The following DLGAP2 variants were observed in gnomAD, a reference collection of about 807,000 sequenced individuals.
DLGAP2 encodes disks large-associated protein 2.
In DLGAP2, 26 loss-of-function variants were observed where a neutral mutation model predicts 100.3. The ratio of observed to expected loss-of-function variants is 0.26; its 90% CI spans 0.19 to 0.36. DLGAP2 has a LOEUF of 0.36. DLGAP2 is among the 10% of genes least tolerant of loss of function. DLGAP2 has a pLI of 1.00. For synonymous variants in DLGAP2, 886 were observed against 630.1 expected, an observed-to-expected ratio of 1.41 and a Z score of -6.08; for missense variants, 1,858 against 1,453.2, an observed-to-expected ratio of 1.28 and a Z score of -4.53.
At chr8:880,828 A>G (rs1240523342) in intron 1 of DLGAP2, among the ~76,000 whole-genome samples, 2 of 152,208 alleles carry the variant, frequency 1.3e-5, no homozygotes, top group Non-Finnish European at 2.9e-5. Flanking sequence ...CTCAACGCAG[A>G]TGTAATTTTT....
chr8:1,626,998 T>C (rs1797522605), intron 7 of DLGAP2, 111 bp downstream of exon 7: 2 of 1,350,394 alleles, frequency 1.5e-6, no homozygotes, highest in Admixed American at 2.2e-5. Context: ...TCAGCAGCAC[T>C]TGGGCAAGGC....
chr8:1,697,067 T>C, intron 13 of DLGAP2, 80 bp from the exon 14 acceptor site: 2 of 1,368,512 alleles, frequency 1.5e-6, no homozygotes, highest in Non-Finnish European at 1.9e-6. Context: ...TTGAAAGGCA[T>C]GCGTGGGGAG....
At chr8:763,435 GC>G (rs1411927290) in intron 1 of DLGAP2, among the ~76,000 whole-genome samples, 1 of 152,210 alleles carries the variant, frequency 6.6e-6, no homozygotes, top group Non-Finnish European at 1.5e-5. Context: ...GTGCTCTTCT[GC>G]TGTTAGAAGT....
chr8:1,284,713 C>T (rs1276732150), intron 3 of DLGAP2, among the ~76,000 whole-genome samples: 1 of 152,202 alleles, frequency 6.6e-6, no homozygotes, highest in Non-Finnish European at 1.5e-5. Flanking sequence ...CCTCAGCTGC[C>T]TGACCCTCCC....
chr8:1,373,032 A>T (rs1201505472), intron 3 of DLGAP2, among the ~76,000 whole-genome samples: 1 of 152,022 alleles, frequency 6.6e-6, no homozygotes, highest in Non-Finnish European at 1.5e-5. Context: ...TCCTTGAAGA[A>T]CACCCACGTT....
chr8:1,435,276 G>C (rs751309747), intron 3 of DLGAP2, among the ~76,000 whole-genome samples: 1 of 152,198 alleles, frequency 6.6e-6, no homozygotes, highest in Non-Finnish European at 1.5e-5. Context: ...GAATAAATGT[G>C]AGTTAAGTGC....
At chr8:1,420,147 C>G (rs1201049890) in intron 3 of DLGAP2, among the ~76,000 whole-genome samples, 3 of 152,156 alleles carry the variant, frequency 2.0e-5, no homozygotes, top group East Asian at 1.9e-4. Flanking sequence ...TTCCAATCCT[C>G]TAATCACAAG....
At chr8:1,523,931 C>T (rs1379709040) in intron 4 of DLGAP2, among the ~76,000 whole-genome samples, 3 of 152,200 alleles carry the variant, frequency 2.0e-5, no homozygotes, top group Non-Finnish European at 2.9e-5. Context: ...TCTTAAGCTG[C>T]TGGATCTGTG....
chr8:1,263,821 C>T (rs1799398907), intron 3 of DLGAP2, among the ~76,000 whole-genome samples: 1 of 152,168 alleles, frequency 6.6e-6, no homozygotes, highest in Non-Finnish European at 1.5e-5. Context: ...CCCTGTCTCT[C>T]TGAGACCACA....
At chr8:1,161,536 C>T (rs1796889380) in intron 2 of DLGAP2, among the ~76,000 whole-genome samples, 2 of 152,210 alleles carry the variant, frequency 1.3e-5, no homozygotes, top group Admixed American at 1.3e-4. Context: ...GACCTCCTAG[C>T]AGACACACAC....
At chr8:1,688,795 A>G (rs1174568819) in intron 12 of DLGAP2, among the ~76,000 whole-genome samples, 2 of 152,202 alleles carry the variant, frequency 1.3e-5, no homozygotes, top group Admixed American at 6.5e-5. Flanking sequence ...TTCATGTTCT[A>G]AAAAATGAGG....
chr8:1,586,559 C>T (rs1284452749), intron 6 of DLGAP2, among the ~76,000 whole-genome samples: 1 of 152,174 alleles, frequency 6.6e-6, no homozygotes, highest in African/African-American at 2.4e-5. Context: ...GGTTAGCAAC[C>T]TCGATTCCAC....
Position 1,297,172 on chromosome 8 carries a change from G to A in DLGAP2, c.106+38289G>A, listed in dbSNP as rs144761713. On this transcript the variant is annotated intron_variant, in intron 3 of 14. Coordinates refer to ENST00000637795, the MANE Select transcript of DLGAP2 (RefSeq NM_001346810.2). ...GTTTTTACAGCAATGCGGCAAGAATGCAATCACAGCGATGAGAATGACATG... is the reference window on the plus strand; with the variant it reads ...GTTTTTACAGCAATGCGGCAAGAATACAATCACAGCGATGAGAATGACATG... 2.6e-4 allele frequency: 39 copies of A among 152,374 alleles called. No homozygotes were observed. In the East Asian group the frequency reaches 6.9e-3, roughly 27 times the overall value. 9.4% of individuals were successfully genotyped at this position (152,374 alleles called of 1,614,324 possible). A position where few individuals can be genotyped will look rare whatever the true frequency, so the allele number is the denominator to read the frequency against.
chr8:865,440 TGCA>T (rs1283772378), intron 1 of DLGAP2, among the ~76,000 whole-genome samples: 3 of 152,198 alleles, frequency 2.0e-5, no homozygotes, highest in Non-Finnish European at 1.5e-5. Flanking sequence ...CAGGTCTACT[TGCA>T]GCCTCCTTTC....
At position 1,510,950 on chromosome 8, in the gene DLGAP2, C is replaced by T. The variant is rs143679723; in HGVS notation, c.172+9519C>T. ...AAGATAATTTGCTCAATCAATCTGG[C>T]ACATCTCCCTTTGCTAATGAGTTAG... On this transcript the variant is annotated intron_variant, in intron 4 of 14. Coordinates refer to ENST00000637795, the MANE Select transcript of DLGAP2 (RefSeq NM_001346810.2). Among the ~76,000 whole-genome samples, 25 of 152,320 alleles carry T rather than the reference C, an allele frequency of 1.6e-4. No individual in the cohort carries two copies. The South Asian group carries it at 1.7e-3, about 10-fold the overall frequency.
intron 2 of DLGAP2, among the ~76,000 whole-genome samples, chr8:1,186,982 C>T (rs553985430): frequency 8.3e-4 from 126 of 152,268 alleles, no homozygotes; most frequent in African/African-American, 2.4e-3. Context: ...CCATCACACC[C>T]GTTAATTGAA....
chr8:1,345,980 G>C (rs1004846931), intron 3 of DLGAP2, among the ~76,000 whole-genome samples: 11 of 152,192 alleles, frequency 7.2e-5, no homozygotes, highest in African/African-American at 2.4e-4. Flanking sequence ...CATAGAAACA[G>C]GGTCCAGACT....
At chr8:1,048,002 C>G (rs1802561644) in intron 2 of DLGAP2, among the ~76,000 whole-genome samples, 1 of 152,150 alleles carries the variant, frequency 6.6e-6, no homozygotes, top group Admixed American at 6.5e-5. Context: ...CCGTTAAGGC[C>G]TGCAAGGGTG....
chr8:826,876 G>C (rs185894637), intron 1 of DLGAP2, among the ~76,000 whole-genome samples: 1 of 152,170 alleles, frequency 6.6e-6, no homozygotes, highest in Non-Finnish European at 1.5e-5. Context: ...TCATTTTCCA[G>C]CCTCGCACCA....
Sources: allele counts gnomAD v4.1 joint callset (sites outside exome capture counted in the v4.1 genomes callset), GRCh38; gene constraint gnomAD v4.1.1; transcripts MANE v1.5; gene names NCBI Gene and HGNC (gene_info 2026-07-23, HGNC 2026-07-21).